The following TMTC2 variants were observed in gnomAD, a reference collection of about 807,000 sequenced individuals.
TMTC2 encodes transmembrane O-mannosyltransferase targeting cadherins 2.
A neutral mutation model predicts 82.4 loss-of-function variants in TMTC2; 43 were observed. That is an observed-to-expected ratio of 0.52 (90% CI 0.41 to 0.67). The LOEUF (loss-of-function observed/expected upper bound fraction) is 0.67, where lower values mean the gene tolerates loss of function less well. TMTC2 is among the 30% of genes least tolerant of loss of function. The pLI is 0.00. For missense variants in TMTC2, 919 were observed against 1,012.4 expected (o/e 0.91, Z 1.25); for synonymous variants, 408 against 381.9 (o/e 1.07, Z -0.80).
chr12:82,736,402 T>C (rs1875127412), intron 1 of TMTC2, among the ~76,000 whole-genome samples: 1 of 152,182 alleles, frequency 6.6e-6, no homozygotes, highest in South Asian at 2.1e-4. Flanking sequence ...ATTAGTAAAG[T>C]CCCATTATCA....
intron 8 of TMTC2, among the ~76,000 whole-genome samples, chr12:83,001,904 A>C (rs768879927): frequency 4.6e-5 from 7 of 152,170 alleles, no homozygotes; most frequent in Non-Finnish European, 7.3e-5. Context: ...ACAAAGAAAA[A>C]AAAGACAGAG....
intron 7 of TMTC2, among the ~76,000 whole-genome samples, chr12:82,982,797 A>G (rs1383623760): frequency 4.6e-5 from 7 of 151,998 alleles, no homozygotes; most frequent in South Asian, 4.1e-4. Context: ...ACTATTTTCT[A>G]TTAGCTAGTG....
chr12:82,714,277 G>A (rs1295424326), intron 1 of TMTC2, among the ~76,000 whole-genome samples: 1 of 152,200 alleles, frequency 6.6e-6, no homozygotes, highest in Non-Finnish European at 1.5e-5. Context: ...TCGTTGAATT[G>A]TGTACTTGAA....
intron 10 of TMTC2, among the ~76,000 whole-genome samples, chr12:83,053,968 A>T (rs1882444516): frequency 6.6e-6 from 1 of 152,022 alleles, no homozygotes; most frequent in South Asian, 2.1e-4. Flanking sequence ...CCACAGTAGG[A>T]TTGCACTTTC....
intron 2 of TMTC2, among the ~76,000 whole-genome samples, chr12:82,876,610 A>G (rs1872595566): frequency 6.6e-6 from 1 of 152,234 alleles, no homozygotes; most frequent in South Asian, 2.1e-4. Flanking sequence ...CCAAAATCTT[A>G]AATCCTAAAT....
chr12:83,081,414 G>C (rs924295277), intron 11 of TMTC2, among the ~76,000 whole-genome samples: 4 of 152,138 alleles, frequency 2.6e-5, no homozygotes, highest in Admixed American at 2.0e-4. Flanking sequence ...GTTGGCTTAC[G>C]ATTTGGAAGC....
chr12:82,771,871 A>G (rs1482869277), intron 1 of TMTC2, among the ~76,000 whole-genome samples: 1 of 152,144 alleles, frequency 6.6e-6, no homozygotes, highest in African/African-American at 2.4e-5. Flanking sequence ...TCAAGAAAGG[A>G]AAACAGTAGT....
intron 9 of TMTC2, among the ~76,000 whole-genome samples, chr12:83,045,544 T>C (rs184573556): frequency 8.9e-4 from 136 of 152,310 alleles, no homozygotes; most frequent in African/African-American, 3.2e-3. Context: ...CCTTTCCTTA[T>C]TTTAATGACT....
intron 1 of TMTC2, among the ~76,000 whole-genome samples, chr12:82,688,490 T>C (rs1048865088): frequency 6.6e-6 from 1 of 152,226 alleles, no homozygotes; most frequent in African/African-American, 2.4e-5. Flanking sequence ...TGTTGGTGTC[T>C]CTTCCTATCT....
intron 1 of TMTC2, among the ~76,000 whole-genome samples, chr12:82,755,266 G>A (rs371608032): frequency 6.6e-6 from 1 of 152,142 alleles, no homozygotes; most frequent in East Asian, 1.9e-4. Flanking sequence ...ACTGATTGTG[G>A]TGTCTATCTG....
intron 1 of TMTC2, among the ~76,000 whole-genome samples, chr12:82,698,489 T>G (rs1157271110): frequency 6.6e-6 from 1 of 152,190 alleles, no homozygotes; most frequent in Non-Finnish European, 1.5e-5. Context: ...GTAGAGTGGT[T>G]GGACCAGGGG....
At chr12:82,961,017 C>G (rs1297217393) in intron 4 of TMTC2, among the ~76,000 whole-genome samples, 1 of 151,764 alleles carries the variant, frequency 6.6e-6, no homozygotes, top group Non-Finnish European at 1.5e-5. Context: ...ATTTTGGCAC[C>G]TTCTTACCTG....
At chr12:82,707,575 C>T (rs1054212545) in intron 1 of TMTC2, among the ~76,000 whole-genome samples, 6 of 152,176 alleles carry the variant, frequency 3.9e-5, no homozygotes, top group Non-Finnish European at 5.9e-5. Context: ...AGTTTTCTCC[C>T]TAATTCTCTC....
intron 11 of TMTC2, 131 bp from the exon 12 acceptor site, chr12:83,132,079 G>T: frequency 9.7e-7 from 1 of 1,030,948 alleles, no homozygotes; most frequent in East Asian, 2.8e-5. Flanking sequence ...TGTATAAATT[G>T]CTAAATTGCT....
chr12:82,982,461 G>A (rs1344276053), intron 7 of TMTC2, among the ~76,000 whole-genome samples: 1 of 138,070 alleles, frequency 7.2e-6, no homozygotes, highest in Non-Finnish European at 1.6e-5. Context: ...TTGCATTTTA[G>A]GTTTTGCATC....
At chr12:82,975,702 T>C (rs77117855) in intron 7 of TMTC2, among the ~76,000 whole-genome samples, 11 of 150,816 alleles carry the variant, frequency 7.3e-5, no homozygotes, top group African/African-American at 2.7e-4. Context: ...ATGAAATGTA[T>C]TCCTAAAAGG....
Position 82,965,606 on chromosome 12 carries a change from G to T in TMTC2, c.1731G>T (p.Thr577=). 6.2e-7 allele frequency: 1 copy of T among 1,613,426 alleles called. No individual in the cohort carries two copies. Among genetic ancestry groups the T allele is most frequent in the Non-Finnish European group, 8.5e-7 (1 of 1,179,656 alleles). The change falls in exon 6 of 12, where the codon ACG becomes ACT. Residue 577 remains threonine (T), a synonymous_variant. Transcript: ENST00000321196. ...TTATTCTAATGAACCAAGGAAGGAC[G>T]GAAGAAGCCCGACGGACATTCTTAA... ...TGIILMNQGR[T]EEARRTFLKC...
chr12:82,955,898 A>G (rs1484114959), intron 4 of TMTC2, among the ~76,000 whole-genome samples: 1 of 152,128 alleles, frequency 6.6e-6, no homozygotes, highest in African/African-American at 2.4e-5. Flanking sequence ...TGACCCTATT[A>G]CTTATAATTT....
intron 10 of TMTC2, among the ~76,000 whole-genome samples, chr12:83,058,625 G>A (rs1471863324): frequency 6.6e-6 from 1 of 151,812 alleles, no homozygotes; most frequent in Non-Finnish European, 1.5e-5. Flanking sequence ...GACTCCTAGG[G>A]TGGCATGTTA....
Sources: gnomAD v4.1 joint callset for allele counts (sites outside exome capture counted in the v4.1 genomes callset) on GRCh38, gnomAD v4.1.1 for gene constraint, MANE v1.5 for transcripts, NCBI Gene and HGNC (gene_info 2026-07-23, HGNC 2026-07-21) for gene names.